Variants in NUP188 observed in about 807,000 individuals in gnomAD.
NUP188 encodes the protein nucleoporin 188.
NUP188 carries 97 observed loss-of-function variants against 223.0 expected under a neutral mutation model. That is an observed-to-expected ratio of 0.43 (90% confidence interval 0.37 to 0.51). The LOEUF is 0.51. Among genes scored for constraint, NUP188 ranks in the 20% least tolerant of loss-of-function variants. The pLI, the probability that NUP188 is intolerant of heterozygous loss-of-function variation, is 0.00. For missense variants in NUP188, 1,947 were observed against 2,175.6 expected (o/e 0.89, Z 2.09); for synonymous variants, 869 against 828.0 (o/e 1.05, Z -0.85).
rs762528592 is a variant in NUP188, at chr9:128,983,419, A to C, written c.1884+39A>C. 3.1e-6 allele frequency: 5 copies of C among 1,611,332 alleles called. No homozygotes were observed. The Admixed American group carries it at 5.0e-5, about 16-fold the overall frequency. On this transcript the variant is annotated intron_variant, in intron 18 of 43. Transcript: ENST00000372577. ...TCTTCCCAAGAGCCAAAAATGTAGC[A>C]CTTGGCACATACCTGAAGATATGTG... is the stretch of plus-strand genomic sequence containing the variant.
At position 128,958,143 on chromosome 9, in the gene NUP188, C is replaced by T. The variant is rs1252555367; in HGVS notation, c.372+89C>T. ...TTTCCTGAGCATTGCTGGCTTTTGACTCTTTGTTGGGTAAGCATGGAGGTC... is the reference window on the plus strand; with the variant it reads ...TTTCCTGAGCATTGCTGGCTTTTGATTCTTTGTTGGGTAAGCATGGAGGTC... On this transcript the variant is annotated intron_variant, in intron 6 of 43. Coordinates refer to ENST00000372577, the MANE Select transcript of NUP188 (RefSeq NM_015354.3). The T allele has an allele frequency of 2.9e-6, 3 of 1,030,828 alleles. No individual in the cohort carries two copies. In the African/African-American group the frequency reaches 4.8e-5, roughly 16 times the overall value. The allele number at this position is 1,030,828 out of a possible 1,614,324, so 63.9% of individuals were successfully genotyped here.
intron 8 of NUP188, among the ~76,000 whole-genome samples, chr9:128,966,481 ATCC>A (rs533747642): frequency 1.3e-3 from 194 of 151,712 alleles, no homozygotes; most frequent in African/African-American, 4.2e-3. Context: ...GGCTCAGGTA[ATCC>A]TCCTACCTCA....
Position 128,982,857 on chromosome 9 carries a change from A to C in NUP188, c.1670-45A>C, listed in dbSNP as rs1251173379. On this transcript the variant is annotated intron_variant, in intron 16 of 43. Coordinates refer to ENST00000372577, the MANE Select transcript of NUP188 (RefSeq NM_015354.3). ...GTCTCAGAGACTGTTCAGTGATCTT[A>C]AAGGGGTTGTTTGCCGTGAGGTCAC... The C allele has an allele frequency of 1.9e-6, 3 of 1,612,034 alleles. No individual in the cohort carries two copies. The East Asian group carries it at 6.7e-5, about 36-fold the overall frequency.
At position 128,987,529 on chromosome 9, in the gene NUP188, C is replaced by T. The variant is rs893320922; in HGVS notation, c.2265-60C>T. On this transcript the variant is annotated intron_variant, in intron 22 of 43. Coordinates refer to ENST00000372577, the MANE Select transcript of NUP188 (RefSeq NM_015354.3). ...CCACCCTAGCCTAATTGGACAATGC[C>T]CTTCCTTCCAAGATACACTGAGTGG... 1.9e-5 allele frequency: 30 copies of T among 1,550,342 alleles called. No individual in the cohort carries two copies. The East Asian group carries it at 6.4e-4, about 33-fold the overall frequency.
chr9:129,005,640 C>G lies in NUP188; in HGVS notation c.4738-5C>G. On this transcript the variant is annotated splice_polypyrimidine_tract_variant and splice_region_variant and intron_variant, in intron 40 of 43. Transcript: ENST00000372577. ...GTCCTGGATGGCTCTTGTCTTTTCT[C>G]GCAGTCCCTGGACCTTGCTGAATAC... 6.2e-7 allele frequency: 1 copy of G among 1,612,820 alleles called. No individual in the cohort carries two copies. Among genetic ancestry groups the G allele is most frequent in the Non-Finnish European group, 8.5e-7 (1 of 1,179,274 alleles).
rs1186609601 is a variant in NUP188 at position 128,984,898 on chromosome 9, A to G, written c.1962-2A>G. On this transcript the variant is annotated splice_acceptor_variant, in intron 19 of 43. Coordinates refer to ENST00000372577, the MANE Select transcript of NUP188 (RefSeq NM_015354.3). LOFTEE classifies it high-confidence loss of function. Reference sequence around the variant, plus strand: ...TTTTTTTCCCTCTACTTCTTTTTCCAGTGCGGAAGGGATGAATGCTGGAGG... The same window carrying G: ...TTTTTTTCCCTCTACTTCTTTTTCCGGTGCGGAAGGGATGAATGCTGGAGG... 2 of 1,586,660 alleles carry G rather than the reference A, an allele frequency of 1.3e-6. No homozygotes were observed. Among genetic ancestry groups the G allele is most frequent in the African/African-American group, 1.4e-5 (1 of 73,484 alleles).
At chr9:128,970,052 G>C (rs1373856322) in intron 10 of NUP188, among the ~76,000 whole-genome samples, 6 of 152,084 alleles carry the variant, frequency 3.9e-5, no homozygotes, top group Non-Finnish European at 8.8e-5. Flanking sequence ...CTCAGCCTCT[G>C]GAATAGCTGG....
At chr9:128,964,520 C>T (rs891156813) in intron 8 of NUP188, among the ~76,000 whole-genome samples, 1 of 149,308 alleles carries the variant, frequency 6.7e-6, no homozygotes, top group Non-Finnish European at 1.5e-5. Context: ...TACCACCATA[C>T]CTGGCTAATT....
rs555767794 is a variant in NUP188 at position 128,987,372 on chromosome 9, A to G, written c.2265-217A>G. On this transcript the variant is annotated intron_variant, in intron 22 of 43. Transcript: ENST00000372577. ...AATTATGATCCTTTTCAGTAGCTGT[A>G]TCTGTTACTTGATGGACATTTAGAT... is the stretch of plus-strand genomic sequence containing the variant. Among the ~76,000 whole-genome samples the G allele has an allele frequency of 2.6e-5, 4 of 152,146 alleles. No individual in the cohort carries two copies. In the South Asian group the frequency reaches 8.3e-4, roughly 32 times the overall value.
At chr9:129,004,243 A>G (rs1300983746) in intron 38 of NUP188, among the ~76,000 whole-genome samples, 1 of 149,180 alleles carries the variant, frequency 6.7e-6, no homozygotes, top group Non-Finnish European at 1.5e-5. Flanking sequence ...AGGTCACGCC[A>G]CTGCACTCCA....
intron 24 of NUP188, among the ~76,000 whole-genome samples, chr9:128,988,719 ATTTTTTT>A (rs528821221): frequency 4.1e-5 from 3 of 72,858 alleles, no homozygotes; most frequent in African/African-American, 9.2e-5. Flanking sequence ...TAATTTTTTA[ATTTTTTT>A]TTTTTTTTTT....
At chr9:128,972,177 A>G (rs1324296229) in intron 11 of NUP188, among the ~76,000 whole-genome samples, 1 of 152,252 alleles carries the variant, frequency 6.6e-6, no homozygotes, top group Non-Finnish European at 1.5e-5. Flanking sequence ...TTTATTCGTA[A>G]TTACTAAAAC....
At position 128,957,980 on chromosome 9, in the gene NUP188, G is replaced by A. The variant is rs148922693; in HGVS notation, c.328-30G>A. 2.9e-5 allele frequency: 46 copies of A among 1,583,486 alleles called. 1 individual carries two copies. In the African/African-American group the frequency reaches 5.3e-4, roughly 18 times the overall value. ...TTACTTGAGTTTTGCCTAAAAGATG[G>A]CCTCTTAACTGCTCTGTTTTTCTTT... is the stretch of plus-strand genomic sequence containing the variant. On this transcript the variant is annotated intron_variant, in intron 5 of 43. Coordinates refer to ENST00000372577, the MANE Select transcript of NUP188 (RefSeq NM_015354.3).
In NUP188 at chr9:128,987,616, C is replaced by G; in HGVS notation, c.2292C>G (p.Cys764Trp). ...SSHTPSLQFL[C>W]ICSLAYTEAG... ...ATACTCCCAGCCTGCAGTTTCTCTGCATCTGCAGCCTGGCATACACAGAAG... is the reference window on the plus strand; with the variant it reads ...ATACTCCCAGCCTGCAGTTTCTCTGGATCTGCAGCCTGGCATACACAGAAG... Residue 764 changes from cysteine to tryptophan, a missense_variant, in exon 23 of 44, where the codon TGC (cysteine) becomes TGG (tryptophan). Around this residue, in one of 3 missense-constraint regions of NUP188, gnomAD observed 225 missense variants for 319.1 expected, o/e 0.71. Coordinates refer to ENST00000372577, the MANE Select transcript of NUP188 (RefSeq NM_015354.3). 2 of 1,613,592 alleles carry G rather than the reference C, an allele frequency of 1.2e-6. No individual in the cohort carries two copies. Among genetic ancestry groups the G allele is most frequent in the Non-Finnish European group, 1.7e-6 (2 of 1,179,768 alleles).
rs147521699 is a variant in NUP188 at position 129,001,595 on chromosome 9, C to G, written c.3910C>G (p.Leu1304Val). The change falls in exon 35 of 44, where the codon CTG becomes GTG. Residue 1304 changes from leucine (L) to valine (V), a missense_variant. By Grantham distance (32) the Leu-to-Val change is conservative (BLOSUM62 1). Around this residue, in one of 3 missense-constraint regions of NUP188, gnomAD observed 905 missense variants for 990.6 expected, o/e 0.91. Coordinates refer to ENST00000372577, the MANE Select transcript of NUP188 (RefSeq NM_015354.3). ...GGTAGACGAGGATGGTGACTCCTGG[C>G]TGCAGGTAACCCGCAGGCTCCCCAT... The part of the protein sequence containing the change: ...CEVDEDGDSW[L>V]QVTRRLPILP... The G allele has an allele frequency of 5.5e-4, 895 of 1,614,076 alleles. No individual in the cohort carries two copies. The highest frequency in any genetic ancestry group is 7.0e-4 in the Admixed American group (42 of 60,018).
chr9:128,949,224 G>C lies in NUP188; in HGVS notation c.68G>C (p.Arg23Thr), dbSNP rs758802953. Residue 23 changes from arginine (R) to threonine (T), a missense_variant, in exon 2 of 44, where the codon AGG becomes ACG. Arg to Thr is a moderately conservative substitution (Grantham distance 71, BLOSUM62 -1). Coordinates refer to ENST00000372577, the MANE Select transcript of NUP188 (RefSeq NM_015354.3). ...GAACTGTGGACTATTCTGCTTGGAA[G>C]GTCAGCTCTGAGAGAGCTGGTAAGT... ...SRELWTILLG[R>T]SALRELSQIE... 6.2e-7 allele frequency: 1 copy of C among 1,613,026 alleles called. No individual in the cohort carries two copies. Among genetic ancestry groups the C allele is most frequent in the Non-Finnish European group, 8.5e-7 (1 of 1,179,274 alleles).
chr9:129,005,396 C>T lies in NUP188; in HGVS notation c.4603C>T (p.Pro1535Ser). Residue 1535 changes from proline to serine, a missense_variant, in exon 40 of 44, where the codon CCC becomes TCC. Transcript: ENST00000372577. ...ASAAPSSSKQPAADTEASEQQ... is the reference protein window; with the variant it reads ...ASAAPSSSKQSAADTEASEQQ... ...TGCTGCCCCCTCCTCCTCAAAGCAGCCCGCTGCTGACACAGAGGCATCAGA... is the reference window on the plus strand; with the variant it reads ...TGCTGCCCCCTCCTCCTCAAAGCAGTCCGCTGCTGACACAGAGGCATCAGA... 6.2e-7 allele frequency: 1 copy of T among 1,612,158 alleles called. No individual in the cohort carries two copies. The highest frequency in any genetic ancestry group is 2.2e-5 in the East Asian group (1 of 44,874).
intron 22 of NUP188, among the ~76,000 whole-genome samples, chr9:128,987,088 A>AGAGAGAGAGAGT (rs1450678206): frequency 9.7e-5 from 11 of 113,262 alleles, no homozygotes; most frequent in Non-Finnish European, 1.8e-4. Flanking sequence ...AGAGAGAGAG[A>AGAGAGAGAGAGT]GTGTGTGTGT....
chr9:128,987,709 G>A lies in NUP188; in HGVS notation c.2385G>A (p.Gln795=), dbSNP rs1394905360. Residue 795 remains glutamine, a synonymous_variant, in exon 23 of 44, where the codon CAG becomes CAA. Transcript: ENST00000372577. ...CCATTGACATGGTGATGGCTGCTCA[G>A]CCTCGAAGGTAGGGCTCCTTCTCCA... ...VDTIDMVMAA[Q]PRSDGAEGQG... 2 of 1,613,552 alleles carry A rather than the reference G, an allele frequency of 1.2e-6. No homozygotes were observed. Among genetic ancestry groups the A allele is most frequent in the Non-Finnish European group, 1.7e-6 (2 of 1,179,888 alleles).
Sources: allele counts gnomAD v4.1 joint callset (sites outside exome capture counted in the v4.1 genomes callset), GRCh38; gene constraint gnomAD v4.1.1; regional missense constraint gnomAD v4.1.1; transcripts MANE v1.5; gene names NCBI Gene and HGNC (gene_info 2026-07-23, HGNC 2026-07-21).